Variants in IGFL4 observed in about 807,000 individuals in gnomAD.
IGFL4 encodes IGF like family member 4.
A neutral mutation model predicts 15.4 loss-of-function variants in IGFL4; 12 were observed. The ratio of observed to expected loss-of-function variants is 0.78; its 90% confidence interval spans 0.50 to 1.26. The LOEUF (loss-of-function observed/expected upper bound fraction) is 1.26. Among genes scored for constraint, IGFL4 ranks in the 50% most tolerant of loss-of-function variants. The pLI is 0.00. For missense variants in IGFL4, 126 were observed against 147.8 expected, an observed-to-expected ratio of 0.85 and a Z score of 0.76; for synonymous variants, 54 against 55.9, an observed-to-expected ratio of 0.97 and a Z score of 0.16.
At chr19:46,058,327 C>T (rs1181142807) in intron 2 of IGFL4, 1 of 152,094 alleles carries the variant, frequency 6.6e-6, no homozygotes, top group African/African-American at 2.4e-5. Context: ...TCTCCATGGA[C>T]ACCATTTCTC....
At chr19:46,062,065 G>A (rs1403069465) in intron 1 of IGFL4, among the ~76,000 whole-genome samples, 4 of 152,118 alleles carry the variant, frequency 2.6e-5, no homozygotes, top group African/African-American at 7.2e-5. Flanking sequence ...TTCCCAAAAC[G>A]TGGTCTGTAG....
At chr19:46,061,112 A>G (rs1198491641) in intron 1 of IGFL4, among the ~76,000 whole-genome samples, 1 of 152,178 alleles carries the variant, frequency 6.6e-6, no homozygotes, top group Admixed American at 6.5e-5. Context: ...CACAAGATCA[A>G]TTTTTCACAA....
At chr19:46,073,719 G>A (rs1969567984) in intron 1 of IGFL4, among the ~76,000 whole-genome samples, 1 of 152,112 alleles carries the variant, frequency 6.6e-6, no homozygotes, top group African/African-American at 2.4e-5. Flanking sequence ...TCGAGAACTT[G>A]GCAAATATCT....
chr19:46,059,821 T>A (rs1443563641), intron 2 of IGFL4: 1 of 152,206 alleles, frequency 6.6e-6, no homozygotes. Flanking sequence ...CAGATAAGAC[T>A]TTTTAAAAGC....
chr19:46,039,884 A>G lies in IGFL4; in HGVS notation c.*8T>C, dbSNP rs200290853. 73 of 1,606,764 alleles carry G rather than the reference A, an allele frequency of 4.5e-5. No individual in the cohort carries two copies. The African/African-American group carries it at 6.8e-4, about 15-fold the overall frequency. On this transcript the variant is annotated 3_prime_UTR_variant, in exon 4 of 4. Transcript: ENST00000377697. ...GAGTGATCTGTGACTCTGCTACCCC[A>G]GAACAGTCTAGATGAGGTCAGATCT... is the stretch of plus-strand genomic sequence containing the variant.
At chr19:46,071,689 A>G (rs1201309816) in intron 1 of IGFL4, among the ~76,000 whole-genome samples, 1 of 152,230 alleles carries the variant, frequency 6.6e-6, no homozygotes, top group Non-Finnish European at 1.5e-5. Context: ...GTAAAAGAAA[A>G]TAACAGCCAA....
rs764862568 is a variant in IGFL4, at chr19:46,040,379, G to A, written c.108C>T (p.Cys36=). The part of the protein sequence containing the change: ...RLWLCQPAPR[C]GEWTYNPLEQ... Reference sequence around the variant, plus strand: ...CCAAGGGGTTGTAGGTCCACTCCCCGCACCTGGGCGCTGGCTGGCATAGCC... The same window carrying A: ...CCAAGGGGTTGTAGGTCCACTCCCCACACCTGGGCGCTGGCTGGCATAGCC... The change falls in exon 3 of 4, where the codon TGC becomes TGT. Residue 36 remains cysteine (C), a synonymous_variant. Transcript: ENST00000377697. The surrounding 1 kb of genome is among the most constrained non-coding windows in gnomAD (Gnocchi z 4.1). The A allele has an allele frequency of 2.3e-5, 37 of 1,614,064 alleles. No homozygotes were observed. Among genetic ancestry groups the A allele is most frequent in the African/African-American group, 5.3e-5 (4 of 74,918 alleles).
chr19:46,045,764 GT>G (rs1221856664), upstream of IGFL4, among the ~76,000 whole-genome samples: 1 of 152,104 alleles, frequency 6.6e-6, no homozygotes, highest in African/African-American at 2.4e-5. Flanking sequence ...TGAGAAATAT[GT>G]AAAGAGACAG....
chr19:46,069,773 C>T (rs943210029), intron 1 of IGFL4, among the ~76,000 whole-genome samples: 1 of 152,154 alleles, frequency 6.6e-6, no homozygotes, highest in African/African-American at 2.4e-5. Context: ...TATTTGGGCA[C>T]TTTAATTAGA....
At chr19:46,042,593 A>G (rs888074274), upstream of IGFL4, among the ~76,000 whole-genome samples, 51 of 152,372 alleles carry the variant, frequency 3.3e-4, 1 homozygote, top group African/African-American at 1.2e-3. Context: ...AGTCTGACAG[A>G]TTCTGTTAGT....
At chr19:46,050,199 T>C (rs1969332786) in intron 2 of IGFL4, among the ~76,000 whole-genome samples, 1 of 152,188 alleles carries the variant, frequency 6.6e-6, no homozygotes, top group African/African-American at 2.4e-5. Flanking sequence ...CCCTCTGACA[T>C]AGTCTGCCCA....
chr19:46,047,556 T>C (rs1969308429), intron 2 of IGFL4, among the ~76,000 whole-genome samples: 1 of 151,644 alleles, frequency 6.6e-6, no homozygotes, highest in Non-Finnish European at 1.5e-5. Flanking sequence ...GAGAGAATAA[T>C]CAAATAAACA....
intron 1 of IGFL4, among the ~76,000 whole-genome samples, chr19:46,060,582 T>TA (rs1307487903): frequency 6.6e-6 from 1 of 152,194 alleles, no homozygotes; most frequent in Non-Finnish European, 1.5e-5. Context: ...GTGGATGACA[T>TA]AAAGTCTTAG....
At chr19:46,051,458 T>A (rs1969344101) in intron 2 of IGFL4, among the ~76,000 whole-genome samples, 1 of 152,106 alleles carries the variant, frequency 6.6e-6, no homozygotes, top group South Asian at 2.1e-4. Flanking sequence ...GACAGGAGAA[T>A]CACTTGCACC....
At chr19:46,041,229 A>C (rs145357520), upstream of IGFL4, 287 of 419,088 alleles carry the variant, frequency 6.8e-4, 2 homozygotes, top group African/African-American at 4.0e-3. Flanking sequence ...CCAGGAACCT[A>C]TCTAAGCTTT....
At chr19:46,042,816 C>T (rs1969259153), upstream of IGFL4, among the ~76,000 whole-genome samples, 1 of 152,216 alleles carries the variant, frequency 6.6e-6, no homozygotes, top group African/African-American at 2.4e-5. Context: ...CCTCATCCCT[C>T]CCTAGAAGCC....
In IGFL4 at chr19:46,040,041, G is replaced by A; in HGVS notation, c.331-105C>T. On this transcript the variant is annotated intron_variant, in intron 3 of 3. Coordinates refer to ENST00000377697, the MANE Select transcript of IGFL4 (RefSeq NM_001002923.3). This position sits in a 1 kb window ranked among gnomAD's most constrained non-coding sequence, Gnocchi z 4.1. ...AGAAAGACAGAGTTGCATGGTTACT[G>A]AGAGATGGGAAGGTATGGAACCCAG... is the stretch of plus-strand genomic sequence containing the variant. The A allele has an allele frequency of 1.3e-6, 2 of 1,508,606 alleles. No homozygotes were observed. The highest frequency in any genetic ancestry group is 9.2e-7 in the Non-Finnish European group (1 of 1,085,220). 93.5% of individuals were successfully genotyped at this position (1,508,606 alleles called of 1,614,324 possible).
intron 1 of IGFL4, among the ~76,000 whole-genome samples, chr19:46,070,145 ATT>A (rs11412709): frequency 6.7e-6 from 1 of 148,528 alleles, no homozygotes. Flanking sequence ...AATCTCTAAG[ATT>A]TTTTTTTTTT....
intron 2 of IGFL4, among the ~76,000 whole-genome samples, chr19:46,051,809 G>T (rs1258435253): frequency 6.6e-6 from 1 of 152,116 alleles, no homozygotes; most frequent in African/African-American, 2.4e-5. Context: ...CATGCAAATG[G>T]ACACCAAAAG....
Sources: gnomAD v4.1 joint callset for allele counts (sites outside exome capture counted in the v4.1 genomes callset) on GRCh38, gnomAD v4.1.1 for gene constraint, Gnocchi (gnomAD v3.1) non-coding constraint, MANE v1.5 for transcripts, NCBI Gene and HGNC (gene_info 2026-07-23, HGNC 2026-07-21) for gene names.